The following CTBP2 variants were observed in gnomAD, a reference collection of about 807,000 sequenced individuals.
CTBP2 encodes the protein C-terminal binding protein 2.
CTBP2 carries 30 observed loss-of-function variants against 80.3 expected under a neutral mutation model. The ratio of observed to expected loss-of-function variants is 0.37; its 90% confidence interval spans 0.28 to 0.51. The LOEUF (loss-of-function observed/expected upper bound fraction) is 0.51, where lower values mean the gene tolerates loss of function less well. Among genes scored for constraint, CTBP2 ranks in the 20% least tolerant of loss-of-function variants. The pLI is 0.93. For synonymous variants in CTBP2, 594 were observed against 587.4 expected (o/e 1.01, Z -0.16); for missense variants, 1,212 against 1,375.3 (o/e 0.88, Z 1.88).
intron 1 of CTBP2, among the ~76,000 whole-genome samples, chr10:125,151,273 C>CA (rs1459844190): frequency 6.6e-6 from 1 of 152,162 alleles, no homozygotes; most frequent in Non-Finnish European, 1.5e-5. Context: ...ACTCTGCGCT[C>CA]GGACAACCTC....
intron 6 of CTBP2, 56 bp from the exon 9 acceptor site, chr10:124,993,385 C>G (rs149620694): frequency 6.4e-7 from 1 of 1,568,482 alleles, no homozygotes; most frequent in African/African-American, 1.3e-5. Context: ...CGCTCCCTGC[C>G]CTCCTCAGCA....
chr10:125,003,272 G>T (rs754004626), intron 2 of CTBP2, 66 bp downstream of exon 4: 5 of 1,589,750 alleles, frequency 3.1e-6, no homozygotes, highest in East Asian at 2.2e-5. Flanking sequence ...GCGATCTAAT[G>T]GGGGGATGCT....
intron 1 of CTBP2, among the ~76,000 whole-genome samples, chr10:125,006,851 C>T (rs1955308343): frequency 6.9e-6 from 1 of 145,868 alleles, no homozygotes; most frequent in African/African-American, 2.8e-5. Context: ...TGAGGGCTTC[C>T]GAAGAACTGG....
At chr10:125,062,552 C>G (rs760270535) in intron 2 of CTBP2, among the ~76,000 whole-genome samples, 1 of 150,540 alleles carries the variant, frequency 6.6e-6, no homozygotes, top group Admixed American at 6.7e-5. Flanking sequence ...GGGTTAGGGT[C>G]GCTGCCATCA....
intron 1 of CTBP2, among the ~76,000 whole-genome samples, chr10:125,152,928 C>A (rs528050596): frequency 3.3e-5 from 5 of 152,194 alleles, no homozygotes; most frequent in Admixed American, 2.6e-4. Flanking sequence ...TGGTCACCCC[C>A]CACTGGGAAG....
intron 2 of CTBP2, among the ~76,000 whole-genome samples, chr10:125,096,683 A>T (rs928427802): frequency 6.6e-6 from 1 of 151,708 alleles, no homozygotes; most frequent in Non-Finnish European, 1.5e-5. Context: ...ATTAAGGTTT[A>T]AAAAAAAGCC....
At chr10:125,118,536 A>G (rs967489568) in intron 1 of CTBP2, among the ~76,000 whole-genome samples, 2 of 152,184 alleles carry the variant, frequency 1.3e-5, no homozygotes, top group African/African-American at 4.8e-5. Context: ...CTGCATTCCC[A>G]CACCCAAAGC....
intron 1 of CTBP2, among the ~76,000 whole-genome samples, chr10:125,147,117 G>A (rs1858921954): frequency 6.6e-6 from 1 of 152,208 alleles, no homozygotes; most frequent in Non-Finnish European, 1.5e-5. Context: ...GGAGGGTGAA[G>A]GGAGCTATGA....
chr10:125,027,017 A>AC lies in CTBP2; in HGVS notation c.742dup (p.Val248GlyfsTer29). The AC allele has an allele frequency of 6.2e-7, 1 of 1,613,870 alleles. No individual in the cohort carries two copies. Among genetic ancestry groups the AC allele is most frequent in the Non-Finnish European group, 8.5e-7 (1 of 1,179,998 alleles). On this transcript the variant is annotated frameshift_variant, in exon 1 of 9. Transcript: ENST00000309035. LOFTEE classifies it high-confidence loss of function. ...GCCACGATTCAGGGCCCCTGGGGCC[A>AC]CCCCTGTGCTGCCTTCGGGGGCAGC...
rs1025535112 is a variant in CTBP2 at position 125,027,984 on chromosome 10, T to C, written c.-225A>G. 1.3e-5 allele frequency: 16 copies of C among 1,271,726 alleles called. No individual in the cohort carries two copies. Among genetic ancestry groups the C allele is most frequent in the African/African-American group, 7.5e-5 (5 of 66,266 alleles). 78.8% of individuals were successfully genotyped at this position (1,271,726 alleles called of 1,614,324 possible). On this transcript the variant is annotated 5_prime_UTR_variant, in exon 1 of 9. Transcript: ENST00000309035. ...GTAACTTTGCCTCACTCCCCAACGA[T>C]AGCCAGAGAGGTCTGTTCCTTACAG...
chr10:125,105,188 C>T (rs1397646401), intron 2 of CTBP2, among the ~76,000 whole-genome samples: 2 of 151,958 alleles, frequency 1.3e-5, no homozygotes, highest in Non-Finnish European at 2.9e-5. Flanking sequence ...CCCTCTGTCA[C>T]CCAAGGCTGA....
At chr10:125,070,275 G>C (rs10901862) in intron 2 of CTBP2, among the ~76,000 whole-genome samples, 56,280 of 151,980 alleles carry the variant, frequency 0.37, 11,043 homozygotes, top group Middle Eastern at 0.5. Context: ...CCCTTGAACT[G>C]GGGAGGCAGA....
At chr10:125,120,007 C>T (rs1323494741) in intron 1 of CTBP2, among the ~76,000 whole-genome samples, 1 of 152,228 alleles carries the variant, frequency 6.6e-6, no homozygotes, top group Non-Finnish European at 1.5e-5. Context: ...TCCCTCCACC[C>T]TCATGCAAGT....
At chr10:125,028,412 A>G (rs1957871557), upstream of CTBP2, among the ~76,000 whole-genome samples, 1 of 152,222 alleles carries the variant, frequency 6.6e-6, no homozygotes, top group South Asian at 2.1e-4. Flanking sequence ...GCACAGCTAA[A>G]CACAAATTAA....
At chr10:125,030,523 G>A (rs944290465), upstream of CTBP2, among the ~76,000 whole-genome samples, 5 of 152,192 alleles carry the variant, frequency 3.3e-5, no homozygotes, top group Admixed American at 6.5e-5. Context: ...ACCCTCCGAC[G>A]GAGCAGTCTT....
At chr10:125,002,658 C>T (rs944827319) in intron 3 of CTBP2, among the ~76,000 whole-genome samples, 42 of 152,320 alleles carry the variant, frequency 2.8e-4, no homozygotes, top group African/African-American at 1.0e-3. Flanking sequence ...TCGCATTCTC[C>T]CCTCTGGAGG....
intron 3 of CTBP2, among the ~76,000 whole-genome samples, chr10:125,037,415 G>A (rs12258217): frequency 1.2e-4 from 18 of 152,316 alleles, no homozygotes; most frequent in African/African-American, 1.7e-4. Context: ...AGTCACGAGC[G>A]TGTTCCAGAA....
intron 3 of CTBP2, chr10:125,000,014 C>T (rs1954227755): frequency 6.6e-6 from 1 of 152,296 alleles, no homozygotes. Flanking sequence ...GGAGACCCCA[C>T]AAGGCCACGT....
chr10:125,160,923 C>T (rs1397942154), upstream of CTBP2: 1 of 150,058 alleles, frequency 6.7e-6, no homozygotes, highest in Non-Finnish European at 1.5e-5. Flanking sequence ...TTGTTTTCTC[C>T]TCCGGGGAAG....
Sources: gnomAD v4.1 joint callset for allele counts (sites outside exome capture counted in the v4.1 genomes callset) on GRCh38, gnomAD v4.1.1 for gene constraint, MANE v1.5 for transcripts, NCBI Gene and HGNC (gene_info 2026-07-23, HGNC 2026-07-21) for gene names.